The following MACROD2 variants were observed in gnomAD, a reference collection of about 807,000 sequenced individuals.
MACROD2 encodes the protein ADP-ribose glycohydrolase MACROD2.
MACROD2 carries 36 observed loss-of-function variants against 70.4 expected under a neutral mutation model. The observed-to-expected ratio is 0.51, with a 90% CI of 0.39 to 0.68. MACROD2 has a LOEUF of 0.68. Ranked by LOEUF, MACROD2 falls within the 30% of genes least tolerant of loss-of-function variation. The probability of loss-of-function intolerance (pLI) is 0.00; values close to 1 mark genes in which losing one functional copy is unlikely to be tolerated. For synonymous variants in MACROD2, 172 were observed against 178.8 expected (o/e 0.96, Z 0.30); for missense variants, 496 against 538.4 (o/e 0.92, Z 0.78).
chr20:15,843,068 C>T (rs1215321776), intron 8 of MACROD2, among the ~76,000 whole-genome samples: 2 of 152,208 alleles, frequency 1.3e-5, no homozygotes, highest in Non-Finnish European at 2.9e-5. Context: ...GAGCTCACCA[C>T]TTAACCTTGC....
chr20:14,152,086 G>A (rs917758098), intron 3 of MACROD2, among the ~76,000 whole-genome samples: 1 of 152,118 alleles, frequency 6.6e-6, no homozygotes, highest in African/African-American at 2.4e-5. Flanking sequence ...CTCCCAAAGT[G>A]CTGGGATTAC....
At chr20:15,959,296 AT>A (rs1268353182) in intron 12 of MACROD2, among the ~76,000 whole-genome samples, 1 of 152,056 alleles carries the variant, frequency 6.6e-6, no homozygotes. Context: ...ATGTCCCCTG[AT>A]TTTTTTCTAC....
At chr20:15,283,346 A>G (rs886425052) in intron 6 of MACROD2, among the ~76,000 whole-genome samples, 25 of 152,310 alleles carry the variant, frequency 1.6e-4, no homozygotes, top group African/African-American at 5.5e-4. Flanking sequence ...TTCTTTATAG[A>G]AGAGAAAAGG....
At chr20:14,263,808 ACAC>A (rs1385923414) in intron 3 of MACROD2, among the ~76,000 whole-genome samples, 1 of 151,898 alleles carries the variant, frequency 6.6e-6, no homozygotes, top group Non-Finnish European at 1.5e-5. Context: ...ACACACACAC[ACAC>A]AACAAAAAGT....
intron 3 of MACROD2, among the ~76,000 whole-genome samples, chr20:14,270,783 C>T (rs983133369): frequency 1.1e-4 from 17 of 152,112 alleles, no homozygotes; most frequent in African/African-American, 1.9e-4. Context: ...ACGCAGAAGA[C>T]GGGTGATTTC....
At chr20:15,339,409 T>C (rs962098609) in intron 6 of MACROD2, among the ~76,000 whole-genome samples, 1 of 151,816 alleles carries the variant, frequency 6.6e-6, no homozygotes, top group Admixed American at 6.6e-5. Flanking sequence ...ATATTACTCA[T>C]TGACTGGTAA....
chr20:14,826,850 A>G (rs777000442), intron 5 of MACROD2, among the ~76,000 whole-genome samples: 3 of 152,118 alleles, frequency 2.0e-5, no homozygotes, highest in Non-Finnish European at 4.4e-5. Context: ...AGCAATTCAG[A>G]TTTCGTACAT....
chr20:14,405,014 T>G (rs945528468), intron 3 of MACROD2, among the ~76,000 whole-genome samples: 4 of 152,238 alleles, frequency 2.6e-5, no homozygotes, highest in Admixed American at 1.3e-4. Flanking sequence ...AAGATAGCTA[T>G]GATTGTGTCA....
intron 8 of MACROD2, among the ~76,000 whole-genome samples, chr20:15,720,266 G>A (rs974680974): frequency 3.3e-5 from 5 of 152,132 alleles, no homozygotes; most frequent in African/African-American, 9.7e-5. Flanking sequence ...ACATGAGCAG[G>A]CAGACATCGC....
At chr20:15,769,439 G>A (rs899792857) in intron 8 of MACROD2, among the ~76,000 whole-genome samples, 6 of 152,108 alleles carry the variant, frequency 3.9e-5, no homozygotes, top group African/African-American at 1.4e-4. Flanking sequence ...GAGCCACCAC[G>A]CCCCACCTAA....
intron 5 of MACROD2, among the ~76,000 whole-genome samples, chr20:14,955,282 A>C (rs1215475183): frequency 7.4e-6 from 1 of 135,900 alleles, no homozygotes; most frequent in Non-Finnish European, 1.5e-5. Context: ...TATTATATAT[A>C]GTTTATATAA....
chr20:14,172,225 G>A (rs908582689), intron 3 of MACROD2, among the ~76,000 whole-genome samples: 1 of 150,922 alleles, frequency 6.6e-6, no homozygotes, highest in Non-Finnish European at 1.5e-5. Context: ...GTTTATGTGA[G>A]TCCTTTTTGT....
intron 5 of MACROD2, among the ~76,000 whole-genome samples, chr20:14,958,079 C>G (rs2074552828): frequency 6.6e-6 from 1 of 152,142 alleles, no homozygotes; most frequent in Admixed American, 6.6e-5. Flanking sequence ...TGGTTTTGGA[C>G]TAACTAGACC....
intron 8 of MACROD2, among the ~76,000 whole-genome samples, chr20:15,816,306 G>A (rs1284885858): frequency 2.6e-5 from 4 of 152,018 alleles, no homozygotes; most frequent in Non-Finnish European, 5.9e-5. Flanking sequence ...GACATAGCCT[G>A]CAATGACTTT....
intron 8 of MACROD2, among the ~76,000 whole-genome samples, chr20:15,536,096 C>T (rs140161843): frequency 1.3e-5 from 2 of 152,242 alleles, no homozygotes; most frequent in Non-Finnish European, 2.9e-5. Context: ...ACCAGCCTTC[C>T]ACACGATACC....
chr20:15,357,809 T>G (rs202210143), intron 6 of MACROD2, among the ~76,000 whole-genome samples: 1 of 21,092 alleles, frequency 4.7e-5, no homozygotes, highest in South Asian at 1.7e-3. Context: ...TTTTTTTTTT[T>G]TTTTTTTTTT....
chr20:14,140,651 A>C (rs1601272562), intron 3 of MACROD2, among the ~76,000 whole-genome samples: 1 of 152,234 alleles, frequency 6.6e-6, no homozygotes, highest in African/African-American at 2.4e-5. Flanking sequence ...GGGTGGTAGG[A>C]TAGAGCTTGT....
chr20:15,585,511 A>C (rs909334653), intron 8 of MACROD2, among the ~76,000 whole-genome samples: 1 of 151,856 alleles, frequency 6.6e-6, no homozygotes, highest in Admixed American at 6.5e-5. Flanking sequence ...CGTCCTTTTT[A>C]CCAAGTGCAG....
At chr20:14,553,986 G>T (rs1431284422) in intron 4 of MACROD2, among the ~76,000 whole-genome samples, 1 of 152,116 alleles carries the variant, frequency 6.6e-6, no homozygotes, top group Admixed American at 6.6e-5. Flanking sequence ...GCTGTTCATA[G>T]AACTCAACTT....
Sources: gnomAD v4.1 joint callset for allele counts (sites outside exome capture counted in the v4.1 genomes callset) on GRCh38, gnomAD v4.1.1 for gene constraint, MANE v1.5 for transcripts, NCBI Gene and HGNC (gene_info 2026-07-23, HGNC 2026-07-21) for gene names.